The following KCNH5 variants were observed in gnomAD, a reference collection of about 807,000 sequenced individuals.
The protein encoded by KCNH5 is potassium voltage-gated channel subfamily H member 5.
A neutral mutation model predicts 96.1 loss-of-function variants in KCNH5; 46 were observed. The observed-to-expected ratio is 0.48, with a 90% CI of 0.38 to 0.61. KCNH5 has a LOEUF of 0.61. Ranked by LOEUF, KCNH5 falls within the 20% of genes least tolerant of loss-of-function variation. The pLI, the probability that KCNH5 is intolerant of heterozygous loss-of-function variation, is 0.00. For synonymous variants in KCNH5, 439 were observed against 449.8 expected (o/e 0.98, Z 0.30); for missense variants, 907 against 1,225.8 (o/e 0.74, Z 3.88).
intron 7 of KCNH5, among the ~76,000 whole-genome samples, chr14:62,901,378 C>T (rs1012109054): frequency 1.3e-5 from 2 of 152,020 alleles, no homozygotes; most frequent in Non-Finnish European, 2.9e-5. Context: ...TGCCCCCTCC[C>T]TCTCTCCCCA....
chr14:62,921,359 G>T (rs912795214), intron 7 of KCNH5, among the ~76,000 whole-genome samples: 4 of 152,066 alleles, frequency 2.6e-5, no homozygotes, highest in Admixed American at 2.6e-4. Flanking sequence ...AGGAAAGTAT[G>T]ATTTATGTTT....
At chr14:62,910,221 A>G (rs1889122912) in intron 7 of KCNH5, among the ~76,000 whole-genome samples, 1 of 152,086 alleles carries the variant, frequency 6.6e-6, no homozygotes, top group South Asian at 2.1e-4. Flanking sequence ...AACCTTACAA[A>G]TTATAAATAG....
intron 8 of KCNH5, among the ~76,000 whole-genome samples, chr14:62,825,193 T>C (rs1341944314): frequency 1.3e-5 from 2 of 152,094 alleles, no homozygotes; most frequent in African/African-American, 4.8e-5. Flanking sequence ...AACTCCTTTC[T>C]ACAGTGGTTG....
In KCNH5 at chr14:62,784,578, T is replaced by C. The variant is rs533269557; in HGVS notation, c.1823-4654A>G. Among the ~76,000 whole-genome samples, 161 of 152,332 alleles carry C rather than the reference T, an allele frequency of 1.1e-3. 1 individual carries two copies. Among genetic ancestry groups the C allele is most frequent in the Middle Eastern group, 6.8e-3 (2 of 294 alleles). On this transcript the variant is annotated intron_variant, in intron 9 of 10. Coordinates refer to ENST00000322893, the MANE Select transcript of KCNH5 (RefSeq NM_139318.5). ...CCATTTTCACCGATGTCTTTCATTATACTTCTTAATAAAACTGAATTCATA... is the reference window on the plus strand; with the variant it reads ...CCATTTTCACCGATGTCTTTCATTACACTTCTTAATAAAACTGAATTCATA...
intron 8 of KCNH5, among the ~76,000 whole-genome samples, chr14:62,834,509 AC>A (rs1228708701): frequency 6.6e-6 from 1 of 152,010 alleles, no homozygotes; most frequent in Non-Finnish European, 1.5e-5. Flanking sequence ...TCTGTATCAT[AC>A]TTCAGATTTT....
intron 7 of KCNH5, among the ~76,000 whole-genome samples, chr14:62,901,232 GT>G (rs1460623570): frequency 6.6e-6 from 1 of 151,660 alleles, no homozygotes; most frequent in Non-Finnish European, 1.5e-5. Context: ...TTATTTTTGG[GT>G]TTTTTTCAAC....
rs1400033004 is a variant in KCNH5 at position 62,764,261 on chromosome 14, A to C, written c.2019+15467T>G. Among the ~76,000 whole-genome samples the C allele has an allele frequency of 3.3e-5, 5 of 152,244 alleles. No homozygotes were observed. The East Asian group carries it at 9.6e-4, about 29-fold the overall frequency. ...GTGATTCATTACATAAGCAGAACTAAAAATAAAAACTACATGACCATCTCA... is the reference window on the plus strand; with the variant it reads ...GTGATTCATTACATAAGCAGAACTACAAATAAAAACTACATGACCATCTCA... On this transcript the variant is annotated intron_variant, in intron 10 of 10. Coordinates refer to ENST00000322893, the MANE Select transcript of KCNH5 (RefSeq NM_139318.5).
At chr14:62,752,011 T>G (rs946370275) in intron 10 of KCNH5, among the ~76,000 whole-genome samples, 3 of 152,270 alleles carry the variant, frequency 2.0e-5, no homozygotes, top group African/African-American at 7.2e-5. Context: ...CCTGAGAAAC[T>G]TTCTTAACCT....
chr14:62,791,623 T>C (rs1314766905), intron 9 of KCNH5, among the ~76,000 whole-genome samples: 1 of 151,710 alleles, frequency 6.6e-6, no homozygotes, highest in Non-Finnish European at 1.5e-5. Context: ...CAGGAGTGGC[T>C]ATATTTACAT....
intron 10 of KCNH5, among the ~76,000 whole-genome samples, chr14:62,716,547 T>C (rs1421120208): frequency 1.3e-5 from 2 of 152,146 alleles, no homozygotes; most frequent in Non-Finnish European, 2.9e-5. Flanking sequence ...GCATATACTG[T>C]TCCCCTTCTT....
chr14:62,979,465 G>A (rs1030447609), intron 6 of KCNH5, among the ~76,000 whole-genome samples: 6 of 151,804 alleles, frequency 4.0e-5, no homozygotes, highest in African/African-American at 1.2e-4. Context: ...TTGGTTGAAC[G>A]TAAATATTTT....
chr14:62,991,416 A>C (rs894091101), intron 4 of KCNH5, among the ~76,000 whole-genome samples: 1 of 151,998 alleles, frequency 6.6e-6, no homozygotes, highest in East Asian at 1.9e-4. Flanking sequence ...AAAAAAGAAA[A>C]AAAAGTGGTG....
chr14:62,767,744 G>A (rs555838398), intron 10 of KCNH5, among the ~76,000 whole-genome samples: 1 of 152,192 alleles, frequency 6.6e-6, no homozygotes, highest in African/African-American at 2.4e-5. Flanking sequence ...AAAATAACCT[G>A]TATACCAAAG....
At position 62,834,425 on chromosome 14, in the gene KCNH5, A is replaced by T. The variant is rs141995787; in HGVS notation, c.1569+15228T>A. Reference sequence around the variant, plus strand: ...ATAATTATTCAGCAGTGAACAAAAGATACAAAACTCCCTGCCCCCATGGAC... The same window carrying T: ...ATAATTATTCAGCAGTGAACAAAAGTTACAAAACTCCCTGCCCCCATGGAC... On this transcript the variant is annotated intron_variant, in intron 8 of 10. Coordinates refer to ENST00000322893, the MANE Select transcript of KCNH5 (RefSeq NM_139318.5). Among the ~76,000 whole-genome samples the T allele has an allele frequency of 2.0e-5, 3 of 152,172 alleles. No homozygotes were observed. The East Asian group carries it at 5.8e-4, about 29-fold the overall frequency.
intron 7 of KCNH5, among the ~76,000 whole-genome samples, chr14:62,910,941 A>ACACACACACCC (rs61033705): frequency 5.0e-4 from 70 of 140,880 alleles, no homozygotes; most frequent in East Asian, 1.7e-3. Context: ...ACACACACAC[A>ACACACACACCC]CCCCTCTGTT....
intron 7 of KCNH5, among the ~76,000 whole-genome samples, chr14:62,883,415 C>T (rs149090888): frequency 1.4e-4 from 21 of 152,134 alleles, no homozygotes; most frequent in South Asian, 6.2e-4. Flanking sequence ...TAACTAGGGA[C>T]GACTTCTAGG....
At chr14:63,014,587 G>C (rs1891289424) in intron 2 of KCNH5, among the ~76,000 whole-genome samples, 1 of 152,080 alleles carries the variant, frequency 6.6e-6, no homozygotes, top group Non-Finnish European at 1.5e-5. Context: ...GAAGGGATGA[G>C]AGCAGGACTG....
At chr14:62,846,073 C>T (rs970962984) in intron 8 of KCNH5, among the ~76,000 whole-genome samples, 3 of 152,142 alleles carry the variant, frequency 2.0e-5, no homozygotes, top group Non-Finnish European at 4.4e-5. Flanking sequence ...CAGTCACCAA[C>T]CTTTGCTAAG....
At chr14:62,998,697 G>C (rs1890955233) in intron 4 of KCNH5, among the ~76,000 whole-genome samples, 1 of 151,806 alleles carries the variant, frequency 6.6e-6, no homozygotes, top group Non-Finnish European at 1.5e-5. Context: ...CTTATCTTAA[G>C]GCTGCTTCTT....
Sources: gnomAD v4.1 joint callset for allele counts (sites outside exome capture counted in the v4.1 genomes callset) on GRCh38, gnomAD v4.1.1 for gene constraint, MANE v1.5 for transcripts, NCBI Gene and HGNC (gene_info 2026-07-23, HGNC 2026-07-21) for gene names.